Variants in ANKRD36C observed in about 807,000 individuals in gnomAD.
ANKRD36C encodes ankyrin repeat domain 36C.
ANKRD36C carries 61 observed loss-of-function variants against 276.4 expected under a neutral mutation model. The observed-to-expected ratio is 0.22, with a 90% CI of 0.18 to 0.27. ANKRD36C has a LOEUF of 0.27. Ranked by LOEUF, ANKRD36C falls within the 10% of genes least tolerant of loss-of-function variation. The probability of loss-of-function intolerance (pLI) is 1.00; values close to 1 mark genes in which losing one functional copy is unlikely to be tolerated. For missense variants in ANKRD36C, 1,447 were observed against 2,032.3 expected (o/e 0.71, Z 5.54); for synonymous variants, 483 against 680.1 (o/e 0.71, Z 4.51).
At chr2:95,885,768 A>C (rs1269917854) in intron 52 of ANKRD36C, among the ~76,000 whole-genome samples, 3 of 151,806 alleles carry the variant, frequency 2.0e-5, no homozygotes, top group African/African-American at 7.2e-5. Context: ...TGTAGAATTA[A>C]AGCAAAATGA....
rs372049426 is a variant in ANKRD36C, at chr2:95,927,301, A to G, written c.1867-15T>C. On this transcript the variant is annotated splice_polypyrimidine_tract_variant and intron_variant, in intron 27 of 66. Coordinates refer to ENST00000456556, the Ensembl canonical transcript of ANKRD36C. ...TCACTTGTAGCCTGAATGGGATTTG[A>G]AACAAAATAATCAATACGTAAAGTA... 6.2e-7 allele frequency: 1 copy of G among 1,609,388 alleles called. No individual in the cohort carries two copies. Among genetic ancestry groups the G allele is most frequent in the Non-Finnish European group, 8.5e-7 (1 of 1,178,082 alleles).
At chr2:95,915,890 C>A in intron 38 of ANKRD36C, 90 bp downstream of exon 40, 4 of 1,454,184 alleles carry the variant, frequency 2.8e-6, no homozygotes, top group Non-Finnish European at 3.7e-6. Flanking sequence ...TCAGAATGTG[C>A]AGCTTCGACC....
At chr2:95,857,286 A>C in intron 62 of ANKRD36C, 23 bp downstream of exon 82, 1 of 1,580,582 alleles carries the variant, frequency 6.3e-7, no homozygotes, top group Non-Finnish European at 8.6e-7. Flanking sequence ...AGAAATATGA[A>C]GTTTTACCAA....
At chr2:95,953,870 T>C in intron 14 of ANKRD36C, 69 bp downstream of exon 14, 5 of 1,413,674 alleles carry the variant, frequency 3.5e-6, no homozygotes. Context: ...ACTGCTAAGT[T>C]TTAGAAGAAA....
At position 95,969,181 on chromosome 2, in the gene ANKRD36C, C is replaced by A. The variant is rs539878025; in HGVS notation, c.800-6634G>T. Among the ~76,000 whole-genome samples the A allele has an allele frequency of 2.6e-5, 4 of 152,288 alleles. No homozygotes were observed. The South Asian group carries it at 8.3e-4, about 32-fold the overall frequency. On this transcript the variant is annotated intron_variant, in intron 6 of 66. Transcript: ENST00000456556. ...TGAGGGGTGGGGCTGGAAGTCCCAA[C>A]CCTCTAATCACACCCTGATCACTCT...
chr2:95,924,828 C>T (rs1193523514), intron 30 of ANKRD36C, among the ~76,000 whole-genome samples: 1 of 151,588 alleles, frequency 6.6e-6, no homozygotes, highest in Non-Finnish European at 1.5e-5. Flanking sequence ...CAGGTTTCCT[C>T]AGCAGAAACC....
chr2:95,923,266 T>C (rs1225393256), intron 32 of ANKRD36C, among the ~76,000 whole-genome samples: 4 of 151,632 alleles, frequency 2.6e-5, no homozygotes, highest in African/African-American at 9.7e-5. Flanking sequence ...TGCTCTCCAA[T>C]GTTTCTTCTT....
At chr2:95,859,786 A>C in intron 61 of ANKRD36C, 75 bp downstream of exon 81, 3 of 1,494,314 alleles carry the variant, frequency 2.0e-6, no homozygotes. Flanking sequence ...GAAAGTTCGC[A>C]ATTACAAAAC....
chr2:95,942,119 G>C (rs201294567), intron 19 of ANKRD36C, among the ~76,000 whole-genome samples: 1,140 of 115,812 alleles, frequency 9.8e-3, no homozygotes, highest in South Asian at 0.028. Flanking sequence ...TTAGAAGACT[G>C]ATCTGGGTAA....
chr2:95,956,588 A>G (rs544855674), intron 13 of ANKRD36C, among the ~76,000 whole-genome samples, 198 bp downstream of exon 13: 2 of 152,362 alleles, frequency 1.3e-5, no homozygotes, highest in East Asian at 3.9e-4. Context: ...AACCTCTTTA[A>G]AGCAGAGTTG....
intron 6 of ANKRD36C, among the ~76,000 whole-genome samples, chr2:95,969,156 T>G (rs570969558): frequency 6.6e-6 from 1 of 152,148 alleles, no homozygotes; most frequent in South Asian, 2.1e-4. Context: ...TCCCAGGAGG[T>G]GAGGGGTGGG....
chr2:95,916,996 C>T (rs953672921), intron 36 of ANKRD36C, among the ~76,000 whole-genome samples: 4 of 151,524 alleles, frequency 2.6e-5, no homozygotes, highest in African/African-American at 9.7e-5. Flanking sequence ...AATTAGAATC[C>T]AGCATTTTTG....
At chr2:95,860,202 A>G (rs2696799) in intron 60 of ANKRD36C, 128 bp from the exon 81 acceptor site, 3 of 726,168 alleles carry the variant, frequency 4.1e-6, no homozygotes, top group Admixed American at 2.4e-5. Context: ...GTGCCTACAA[A>G]GTGGAAGATA....
chr2:95,976,439 T>A (rs1678811306), intron 6 of ANKRD36C, among the ~76,000 whole-genome samples: 1 of 152,166 alleles, frequency 6.6e-6, no homozygotes, highest in Admixed American at 6.5e-5. Flanking sequence ...GTGGTTCCAG[T>A]TACTGCTGCC....
chr2:95,873,794 A>C (rs972909214), intron 59 of ANKRD36C, among the ~76,000 whole-genome samples: 40 of 152,246 alleles, frequency 2.6e-4, no homozygotes, highest in African/African-American at 8.7e-4. Context: ...GTCTCAGCCC[A>C]AAATCTCCTT....
chr2:95,982,200 C>G, intron 4 of ANKRD36C, 56 bp downstream of exon 4: 1 of 1,327,638 alleles, frequency 7.5e-7, no homozygotes, highest in African/African-American at 1.5e-5. Flanking sequence ...TGACCGCTAC[C>G]ACTCTAAAAT....
chr2:95,991,480 C>T (rs1278780329), intron 1 of ANKRD36C, 32 bp downstream of exon 1: 18 of 1,561,920 alleles, frequency 1.2e-5, no homozygotes, highest in Non-Finnish European at 1.5e-5. Flanking sequence ...CACAGGCCTC[C>T]TCCCGCAGCC....
chr2:95,968,468 G>C (rs1678636482), intron 6 of ANKRD36C, among the ~76,000 whole-genome samples: 2 of 152,148 alleles, frequency 1.3e-5, no homozygotes, highest in Non-Finnish European at 2.9e-5. Context: ...CAAAGAACAT[G>C]ATTTCTGGAC....
chr2:95,929,794 G>C (rs1202709235), intron 24 of ANKRD36C, among the ~76,000 whole-genome samples: 1 of 151,288 alleles, frequency 6.6e-6, no homozygotes, highest in African/African-American at 2.4e-5. Flanking sequence ...AACTTAATCA[G>C]CTTGGATATA....
Sources: gnomAD v4.1 joint callset for allele counts (sites outside exome capture counted in the v4.1 genomes callset) on GRCh38, gnomAD v4.1.1 for gene constraint, MANE v1.5 for transcripts, NCBI Gene and HGNC (gene_info 2026-07-23, HGNC 2026-07-21) for gene names.